DYNC2H1: variants seen among roughly 807,000 people sequenced by gnomAD.
DYNC2H1 encodes the protein cytoplasmic dynein 2 heavy chain 1.
DYNC2H1 carries 410 observed loss-of-function variants against 570.0 expected under a neutral mutation model. The observed-to-expected ratio is 0.72, with a 90% CI of 0.66 to 0.78. DYNC2H1 has a LOEUF of 0.78. Among genes scored for constraint, DYNC2H1 ranks in the 30% least tolerant of loss-of-function variants. The pLI is 0.00. For missense variants in DYNC2H1, 4,865 were observed against 5,046.4 expected, an observed-to-expected ratio of 0.96 and a Z score of 1.09; for synonymous variants, 1,688 against 1,677.6, an observed-to-expected ratio of 1.01 and a Z score of -0.15.
chr11:103,182,360 A>G (rs748429143), intron 40 of DYNC2H1, among the ~76,000 whole-genome samples: 3 of 151,476 alleles, frequency 2.0e-5, no homozygotes, highest in Non-Finnish European at 4.4e-5. Flanking sequence ...AAACAATATG[A>G]AGTTAGCACT....
intron 85 of DYNC2H1, among the ~76,000 whole-genome samples, chr11:103,445,700 G>A (rs952948707): frequency 6.6e-6 from 1 of 152,206 alleles, no homozygotes; most frequent in Non-Finnish European, 1.5e-5. Context: ...TGCCCAGGCT[G>A]GGGTGCAGTG....
In DYNC2H1 at chr11:103,185,327, T is replaced by A. The variant is rs1170778515; in HGVS notation, c.6633+276T>A. 1.3e-5 allele frequency among the ~76,000 whole-genome samples: 2 copies of A among 151,854 alleles called. No individual in the cohort carries two copies. Among genetic ancestry groups the A allele is most frequent in the Non-Finnish European group, 2.9e-5 (2 of 67,866 alleles). On this transcript the variant is annotated intron_variant, in intron 41 of 88. Coordinates refer to ENST00000375735, the MANE Select transcript of DYNC2H1 (RefSeq NM_001377.3). This position sits in a 1 kb window ranked among gnomAD's most constrained non-coding sequence, Gnocchi z 4.5. ...TTTTTAAGTTAGACATTTTTGAACC[T>A]ACTTGTCTACATTAATAATTATTTC...
chr11:103,116,624 A>T lies in DYNC2H1; in HGVS notation c.676A>T (p.Thr226Ser), dbSNP rs1858413105. 1 of 1,609,076 alleles carries T rather than the reference A, an allele frequency of 6.2e-7. No individual in the cohort carries two copies. The highest frequency in any genetic ancestry group is 8.5e-7 in the Non-Finnish European group (1 of 1,177,098). The change falls in exon 5 of 89, where the codon ACT (threonine) becomes TCT (serine). Residue 226 changes from threonine to serine, a missense_variant. Transcript: ENST00000375735. ...ACTAGAAGTTGTTGACTTGGTGGAG[A>T]CTACTCAGGATGTTGTAGATGATGT... ...SLLEVVDLVETTQDVVDDVWR... is the reference protein window; with the variant it reads ...SLLEVVDLVESTQDVVDDVWR...
At chr11:103,361,613 A>G (rs1940644264) in intron 83 of DYNC2H1, among the ~76,000 whole-genome samples, 1 of 152,022 alleles carries the variant, frequency 6.6e-6, no homozygotes, top group Non-Finnish European at 1.5e-5. Context: ...AGATGGTGAG[A>G]AAGTAAGGAG....
chr11:103,176,319 C>T lies in DYNC2H1; in HGVS notation c.5759C>T (p.Ala1920Val). ...FTFTDCTRFD[A>V]LIKDVFPGIE... Reference sequence around the variant, plus strand: ...TTTACTGATTGCACCCGGTTTGATGCACTGATAAAAGATGTCTTTCCGGGA... The same window carrying T: ...TTTACTGATTGCACCCGGTTTGATGTACTGATAAAAGATGTCTTTCCGGGA... The change falls in exon 37 of 89, where the codon GCA (alanine) becomes GTA (valine). Residue 1920 changes from alanine to valine, a missense_variant. Ala to Val is a moderately conservative substitution (Grantham distance 64, BLOSUM62 0). Around this residue, in one of 5 missense-constraint regions of DYNC2H1, gnomAD observed 292 missense variants for 300.2 expected, o/e 0.97. Transcript: ENST00000375735. 1 of 1,565,690 alleles carries T rather than the reference C, an allele frequency of 6.4e-7. No individual in the cohort carries two copies. Among genetic ancestry groups the T allele is most frequent in the East Asian group, 2.4e-5 (1 of 42,398 alleles).
chr11:103,191,505 T>C lies in DYNC2H1; in HGVS notation c.7438-12T>C, dbSNP rs746941409. The C allele has an allele frequency of 1.6e-5, 26 of 1,578,214 alleles. No homozygotes were observed. In the Admixed American group the frequency reaches 4.4e-4, roughly 27 times the overall value. ...GCAGTAGAAAGATTGTTTACTGTATTTTCTTTTTCAGGTGCGAGCCAAATT... is the reference window on the plus strand; with the variant it reads ...GCAGTAGAAAGATTGTTTACTGTATCTTCTTTTTCAGGTGCGAGCCAAATT... On this transcript the variant is annotated splice_polypyrimidine_tract_variant and intron_variant, in intron 45 of 88. Coordinates refer to ENST00000375735, the MANE Select transcript of DYNC2H1 (RefSeq NM_001377.3).
In DYNC2H1 at chr11:103,186,173, T is replaced by C. The variant is rs1205019009; in HGVS notation, c.6634-69T>C. The C allele has an allele frequency of 1.3e-5, 19 of 1,451,072 alleles. No individual in the cohort carries two copies. The highest frequency in any genetic ancestry group is 2.8e-6 in the Non-Finnish European group (3 of 1,083,220). 89.9% of individuals were successfully genotyped at this position (1,451,072 alleles called of 1,614,324 possible). ...GATGATTTACTTTTGGGATATTTAC[T>C]TGGAAGAATTTTAAAATGTCACACA... is the stretch of plus-strand genomic sequence containing the variant. On this transcript the variant is annotated intron_variant, in intron 41 of 88. Transcript: ENST00000375735. The surrounding 1 kb of genome is among the most constrained non-coding windows in gnomAD (Gnocchi z 4.5).
rs961850529 is a variant in DYNC2H1 at position 103,181,986 on chromosome 11, G to C, written c.6477+100G>C. 3.0e-6 allele frequency: 4 copies of C among 1,343,382 alleles called. No homozygotes were observed. The African/African-American group carries it at 5.9e-5, about 20-fold the overall frequency. The allele number at this position is 1,343,382 out of a possible 1,614,324, so 83.2% of individuals were successfully genotyped here. A position where few individuals can be genotyped will look rare whatever the true frequency, so the allele number is the denominator to read the frequency against. On this transcript the variant is annotated intron_variant, in intron 40 of 88. Transcript: ENST00000375735. This position sits in a 1 kb window ranked among gnomAD's most constrained non-coding sequence, Gnocchi z 5.0. ...TTGTGGTAGAACTCTGCTGGAATGT[G>C]GGTGTGAGGTGAGAGGTGGATTTTG...
In DYNC2H1 at chr11:103,173,101, C is replaced by A; in HGVS notation, c.5354C>A (p.Ser1785Tyr). The A allele has an allele frequency of 7.3e-7, 1 of 1,363,750 alleles. No homozygotes were observed. Among genetic ancestry groups the A allele is most frequent in the Non-Finnish European group, 9.5e-7 (1 of 1,053,076 alleles). 84.5% of individuals were successfully genotyped at this position (1,363,750 alleles called of 1,614,324 possible). A position where few individuals can be genotyped will look rare whatever the true frequency, so the allele number is the denominator to read the frequency against. ...TTTCAGGTAGAAGTAAATTCTAATT[C>A]TGGAATTTTTATCACTATGAATCCT... ...LGKEVEVNSN[S>Y]GIFITMNPAG... is the part of the protein sequence containing the mutation. The change falls in exon 35 of 89, where the codon TCT (serine) becomes TAT (tyrosine). Residue 1785 changes from serine (S) to tyrosine (Y), a missense_variant. Around this residue, in one of 5 missense-constraint regions of DYNC2H1, gnomAD observed 292 missense variants for 300.2 expected, o/e 0.97. Transcript: ENST00000375735.
At chr11:103,160,164 T>G (rs1451066835) in intron 28 of DYNC2H1, among the ~76,000 whole-genome samples, 1 of 152,156 alleles carries the variant, frequency 6.6e-6, no homozygotes, top group Non-Finnish European at 1.5e-5. Flanking sequence ...TCAAGTTACC[T>G]CTCTGAAATT....
rs1865288996 is a variant in DYNC2H1 at position 103,261,604 on chromosome 11, G to A, written c.10695+1627G>A. 6.6e-6 allele frequency among the ~76,000 whole-genome samples: 1 copy of A among 152,108 alleles called. No homozygotes were observed. The highest frequency in any genetic ancestry group is 1.5e-5 in the Non-Finnish European group (1 of 68,024). On this transcript the variant is annotated intron_variant, in intron 70 of 88. Transcript: ENST00000375735. This position sits in a 1 kb window ranked among gnomAD's most constrained non-coding sequence, Gnocchi z 4.8. Reference sequence around the variant, plus strand: ...AAGTCCAGCAGACCTGCAGCAGAGGGGCCTGACTGTTAGAAGGAAAACTAA... The same window carrying A: ...AAGTCCAGCAGACCTGCAGCAGAGGAGCCTGACTGTTAGAAGGAAAACTAA...
At chr11:103,216,822 A>G in intron 55 of DYNC2H1, among the ~76,000 whole-genome samples, 1 of 152,050 alleles carries the variant, frequency 6.6e-6, no homozygotes, top group South Asian at 2.1e-4. Context: ...TCTGTTAAAC[A>G]TGTCTTCTTG....
At chr11:103,221,916 T>G (rs1436009173) in intron 57 of DYNC2H1, 114 bp from the exon 58 acceptor site, 2 of 1,073,104 alleles carry the variant, frequency 1.9e-6, no homozygotes, top group African/African-American at 3.2e-5. Flanking sequence ...AATACCATAT[T>G]TTTGTTAACT....
chr11:103,331,888 G>A (rs1786850918), intron 82 of DYNC2H1, among the ~76,000 whole-genome samples: 1 of 151,952 alleles, frequency 6.6e-6, no homozygotes, highest in Non-Finnish European at 1.5e-5. Flanking sequence ...GGTGAAAGCC[G>A]GCTCTACTAA....
At chr11:103,445,801 A>G (rs761800955) in intron 85 of DYNC2H1, among the ~76,000 whole-genome samples, 8 of 152,074 alleles carry the variant, frequency 5.3e-5, no homozygotes, top group African/African-American at 1.7e-4. Context: ...ACAGGCGCAC[A>G]CCATCATGCC....
rs1417188889 is a variant in DYNC2H1 at position 103,151,435 on chromosome 11, T to C, written c.2947-701T>C. Among the ~76,000 whole-genome samples the C allele has an allele frequency of 6.6e-6, 1 of 152,182 alleles. No homozygotes were observed. The highest frequency in any genetic ancestry group is 2.4e-5 in the African/African-American group (1 of 41,444). On this transcript the variant is annotated intron_variant, in intron 20 of 88. Coordinates refer to ENST00000375735, the MANE Select transcript of DYNC2H1 (RefSeq NM_001377.3). The surrounding 1 kb of genome is among the most constrained non-coding windows in gnomAD (Gnocchi z 4.6). ...TGTTGTCTGTTTTATTATATATGCATACTGATATTTAAAAATGTTTAAATG... is the reference window on the plus strand; with the variant it reads ...TGTTGTCTGTTTTATTATATATGCACACTGATATTTAAAAATGTTTAAATG...
At chr11:103,117,080 A>G (rs1858437475) in intron 5 of DYNC2H1, among the ~76,000 whole-genome samples, 1 of 150,448 alleles carries the variant, frequency 6.6e-6, no homozygotes, top group Non-Finnish European at 1.5e-5. Flanking sequence ...AGATAAGTAC[A>G]TAAGGTTATA....
chr11:103,365,492 G>C (rs937559976), intron 83 of DYNC2H1, among the ~76,000 whole-genome samples: 3 of 152,306 alleles, frequency 2.0e-5, no homozygotes, highest in African/African-American at 7.2e-5. Context: ...AATAAGTTAG[G>C]AACTCACAGG....
intron 22 of DYNC2H1, among the ~76,000 whole-genome samples, chr11:103,154,170 C>A (rs1455260412): frequency 6.6e-6 from 1 of 151,680 alleles, no homozygotes; most frequent in Non-Finnish European, 1.5e-5. Context: ...ATATAAATCT[C>A]TCTATATTAC....
Sources: gnomAD v4.1 joint callset for allele counts (sites outside exome capture counted in the v4.1 genomes callset) on GRCh38, gnomAD v4.1.1 for gene constraint, gnomAD v4.1.1 regional missense constraint, Gnocchi (gnomAD v3.1) non-coding constraint, MANE v1.5 for transcripts, NCBI Gene and HGNC (gene_info 2026-07-23, HGNC 2026-07-21) for gene names.